NAALADL2: variants seen among roughly 807,000 people sequenced by gnomAD.
The protein encoded by NAALADL2 is N-acetylated alpha-linked acidic dipeptidase like 2.
Under a neutral mutation model 87.2 loss-of-function variants are expected in NAALADL2, and 76 were observed. That is an observed-to-expected ratio of 0.87 (90% confidence interval 0.72 to 1.05). NAALADL2 has a LOEUF of 1.05. Among genes scored for constraint, NAALADL2 ranks in the 50% least tolerant of loss-of-function variants. The pLI, the probability that NAALADL2 is intolerant of heterozygous loss-of-function variation, is 0.00. For synonymous variants in NAALADL2, 354 were observed against 331.0 expected, an observed-to-expected ratio of 1.07 and a Z score of -0.75; for missense variants, 1,089 against 945.8, an observed-to-expected ratio of 1.15 and a Z score of -1.99.
At chr3:174,706,760 A>G (rs999147803) in intron 2 of NAALADL2, among the ~76,000 whole-genome samples, 1 of 152,116 alleles carries the variant, frequency 6.6e-6, no homozygotes, top group Admixed American at 6.5e-5. Context: ...TAGGGTTTTT[A>G]TGGTTTTAGG....
chr3:175,744,648 T>C (rs567757303), intron 12 of NAALADL2, among the ~76,000 whole-genome samples: 1 of 152,354 alleles, frequency 6.6e-6, no homozygotes, highest in South Asian at 2.1e-4. Context: ...ATAATCATGG[T>C]CAAAGATTAT....
chr3:175,574,901 A>G (rs1718634356), intron 9 of NAALADL2, among the ~76,000 whole-genome samples: 1 of 148,626 alleles, frequency 6.7e-6, no homozygotes, highest in Non-Finnish European at 1.5e-5. Context: ...TGATGTTCTT[A>G]TACTTATTGT....
chr3:175,547,335 A>T (rs141742703), intron 9 of NAALADL2, among the ~76,000 whole-genome samples: 26 of 152,268 alleles, frequency 1.7e-4, no homozygotes, highest in African/African-American at 5.3e-4. Context: ...CTGTTCAACC[A>T]ATGGTCCTGG....
At chr3:175,429,208 C>T (rs58773124) in intron 5 of NAALADL2, among the ~76,000 whole-genome samples, 4,784 of 131,380 alleles carry the variant, frequency 0.036, 260 homozygotes, top group African/African-American at 0.13. Context: ...CACACACACA[C>T]ACATATATAT....
At chr3:175,036,592 G>C (rs1320259193) in intron 1 of NAALADL2, among the ~76,000 whole-genome samples, 1 of 151,658 alleles carries the variant, frequency 6.6e-6, no homozygotes, top group Non-Finnish European at 1.5e-5. Flanking sequence ...GTAGAGACGG[G>C]GTTTCACCAT....
chr3:175,132,648 C>A (rs182773931), intron 2 of NAALADL2, among the ~76,000 whole-genome samples: 1 of 91,010 alleles, frequency 1.1e-5, no homozygotes, highest in Non-Finnish European at 2.1e-5. Flanking sequence ...GGTGGCTGGC[C>A]GGGCGGGGGG....
At chr3:175,315,148 G>A (rs569711792) in intron 4 of NAALADL2, among the ~76,000 whole-genome samples, 1 of 152,232 alleles carries the variant, frequency 6.6e-6, no homozygotes, top group East Asian at 1.9e-4. Flanking sequence ...CTGACCTTGG[G>A]TGTAAAAACT....
At chr3:175,423,028 A>AAAAAAATATATATATATATAT (rs1438736874) in intron 5 of NAALADL2, among the ~76,000 whole-genome samples, 1 of 111,320 alleles carries the variant, frequency 9.0e-6, no homozygotes, top group African/African-American at 4.1e-5. Flanking sequence ...GAAAAAAAAA[A>AAAAAAATATATATATATATAT]ATATATATAT....
At chr3:175,101,377 C>A (rs1722137952) in intron 2 of NAALADL2, among the ~76,000 whole-genome samples, 1 of 152,136 alleles carries the variant, frequency 6.6e-6, no homozygotes, top group Non-Finnish European at 1.5e-5. Context: ...TCAGCTTAAG[C>A]CAGTTGAGAT....
intron 3 of NAALADL2, among the ~76,000 whole-genome samples, chr3:174,780,932 A>T: frequency 6.6e-6 from 1 of 151,556 alleles, no homozygotes; most frequent in South Asian, 2.1e-4. Context: ...TTTCCTTTCC[A>T]TGTTTAGTGC....
At chr3:174,891,786 CG>C (rs1223879945) in intron 1 of NAALADL2, among the ~76,000 whole-genome samples, 1 of 152,042 alleles carries the variant, frequency 6.6e-6, no homozygotes, top group Non-Finnish European at 1.5e-5. Flanking sequence ...AGCAGTGGAC[CG>C]GGGAAATACA....
chr3:174,500,508 A>G (rs1560017301), intron 1 of NAALADL2, among the ~76,000 whole-genome samples: 1 of 152,164 alleles, frequency 6.6e-6, no homozygotes, highest in Non-Finnish European at 1.5e-5. Flanking sequence ...AAGTTGGAAG[A>G]TCAAACAACC....
chr3:175,466,958 C>A, intron 7 of NAALADL2, 21 bp from the exon 8 acceptor site: 1 of 1,573,194 alleles, frequency 6.4e-7, no homozygotes, highest in Non-Finnish European at 8.7e-7. Flanking sequence ...TTAAATGGCT[C>A]TTGTCCCTTT....
intron 11 of NAALADL2, among the ~76,000 whole-genome samples, chr3:175,639,228 C>T (rs1260622501): frequency 6.6e-6 from 1 of 151,794 alleles, no homozygotes; most frequent in Non-Finnish European, 1.5e-5. Flanking sequence ...CAAACAGGTG[C>T]ACCTGTTAAC....
At chr3:175,544,526 A>T (rs893836766) in intron 9 of NAALADL2, among the ~76,000 whole-genome samples, 1 of 152,120 alleles carries the variant, frequency 6.6e-6, no homozygotes. Flanking sequence ...TTCCACCACA[A>T]CTAAACTAAG....
At chr3:175,207,776 C>T (rs777244153) in intron 2 of NAALADL2, among the ~76,000 whole-genome samples, 8 of 151,636 alleles carry the variant, frequency 5.3e-5, no homozygotes, top group Non-Finnish European at 1.2e-4. Flanking sequence ...TAAACATAAC[C>T]GAAAAAAAGG....
chr3:174,448,791 C>G (rs894907527), intron 1 of NAALADL2, among the ~76,000 whole-genome samples: 2 of 152,038 alleles, frequency 1.3e-5, no homozygotes, highest in Non-Finnish European at 2.9e-5. Context: ...GCAGGTAGTC[C>G]GTTCAGGCAA....
intron 1 of NAALADL2, among the ~76,000 whole-genome samples, chr3:175,089,908 C>T (rs1384447418): frequency 1.3e-5 from 2 of 152,144 alleles, no homozygotes; most frequent in Non-Finnish European, 2.9e-5. Flanking sequence ...TACATTAAAA[C>T]TCTATTACAG....
At chr3:175,326,002 T>A (rs1760662336) in intron 5 of NAALADL2, among the ~76,000 whole-genome samples, 2 of 152,210 alleles carry the variant, frequency 1.3e-5, no homozygotes, top group South Asian at 4.1e-4. Context: ...CTGTTCTACT[T>A]CTCTTTTAAT....
Sources: allele counts gnomAD v4.1 joint callset (sites outside exome capture counted in the v4.1 genomes callset), GRCh38; gene constraint gnomAD v4.1.1; transcripts MANE v1.5; gene names NCBI Gene and HGNC (gene_info 2026-07-23, HGNC 2026-07-21).